The following OVCH1 variants were observed in gnomAD, a reference collection of about 807,000 sequenced individuals.
The protein encoded by OVCH1 is ovochymase 1, also known as ovochymase-1.
In OVCH1, 139 loss-of-function variants were observed where a neutral mutation model predicts 138.4. The ratio of observed to expected loss-of-function variants is 1.00; its 90% CI spans 0.87 to 1.16. The LOEUF (loss-of-function observed/expected upper bound fraction) is 1.16. OVCH1 is among the 50% of genes most tolerant of loss of function. The probability of loss-of-function intolerance (pLI) is 0.00; values close to 1 mark genes in which losing one functional copy is unlikely to be tolerated. For missense variants in OVCH1, 1,367 were observed against 1,357.9 expected, an observed-to-expected ratio of 1.01 and a Z score of -0.11; for synonymous variants, 453 against 467.8, an observed-to-expected ratio of 0.97 and a Z score of 0.41.
chr12:29,481,380 T>A (rs1461882980), intron 8 of OVCH1, among the ~76,000 whole-genome samples: 1 of 152,172 alleles, frequency 6.6e-6, no homozygotes, highest in Non-Finnish European at 1.5e-5. Flanking sequence ...TAGATGCTAA[T>A]ACTCATTGGG....
In OVCH1 at chr12:29,455,059, G is replaced by T. The variant is rs531433028; in HGVS notation, c.2438-126C>A. On this transcript the variant is annotated intron_variant, in intron 20 of 27. Transcript: ENST00000318184. ...AAATCCAGGATTAAAGCAGCCTAAG[G>T]AAAAGTCAGTTTAACTCTACACATG... is the stretch of plus-strand genomic sequence containing the variant. 1.9e-4 allele frequency: 218 copies of T among 1,156,128 alleles called. 2 individuals are homozygous for T. In the Admixed American group the frequency reaches 5.6e-3, roughly 30 times the overall value. The allele number at this position is 1,156,128 out of a possible 1,614,324, so 71.6% of individuals were successfully genotyped here. A position where few individuals can be genotyped will look rare whatever the true frequency, so the allele number is the denominator to read the frequency against.
intron 22 of OVCH1, among the ~76,000 whole-genome samples, chr12:29,450,662 CT>C (rs1941761719): frequency 1.3e-5 from 2 of 152,168 alleles, no homozygotes; most frequent in South Asian, 4.1e-4. Flanking sequence ...GATCCCATTC[CT>C]GGGTATATAC....
At chr12:29,415,505 A>G (rs960409566) in intron 3 of OVCH1, among the ~76,000 whole-genome samples, 4 of 152,206 alleles carry the variant, frequency 2.6e-5, no homozygotes, top group African/African-American at 9.6e-5. Flanking sequence ...TAAGGTCAAC[A>G]CAAAGAAGTC....
At chr12:29,458,892 C>T (rs769085351) in intron 19 of OVCH1, among the ~76,000 whole-genome samples, 1 of 152,114 alleles carries the variant, frequency 6.6e-6, no homozygotes, top group Non-Finnish European at 1.5e-5. Flanking sequence ...AAAAGGTGCT[C>T]AACATCATTG....
exon 23 of OVCH1, chr12:29,445,290 A>G: frequency 6.2e-7 from 1 of 1,610,628 alleles, no homozygotes; most frequent in Non-Finnish European, 8.5e-7. Flanking sequence ...AGGACTTTCA[A>G]GACAATATAG....
intron 15 of OVCH1, 85 bp downstream of exon 15, chr12:29,472,944 A>G (rs564029560): frequency 3.4e-6 from 4 of 1,187,126 alleles, no homozygotes; most frequent in Admixed American, 4.5e-5. Context: ...GTTATAGCCA[A>G]TGTAAGATAA....
At chr12:29,461,243 G>A (rs183515749) in intron 19 of OVCH1, among the ~76,000 whole-genome samples, 5 of 152,304 alleles carry the variant, frequency 3.3e-5, no homozygotes, top group East Asian at 3.9e-4. Context: ...GTAGGCACAC[G>A]GAGTGTTAGG....
chr12:29,470,244 C>T (rs1942457264), intron 16 of OVCH1, among the ~76,000 whole-genome samples: 1 of 152,006 alleles, frequency 6.6e-6, no homozygotes, highest in African/African-American at 2.4e-5. Context: ...ATTTTAAGTT[C>T]TGGGATACAT....
intron 3 of OVCH1, among the ~76,000 whole-genome samples, chr12:29,420,888 A>G (rs1247000857): frequency 1.3e-5 from 2 of 152,246 alleles, no homozygotes; most frequent in African/African-American, 4.8e-5. Flanking sequence ...TCATTCACCT[A>G]ATATGTTCAT....
chr12:29,415,902 A>G (rs1337691654), intron 3 of OVCH1, among the ~76,000 whole-genome samples: 1 of 152,164 alleles, frequency 6.6e-6, no homozygotes, highest in Middle Eastern at 3.2e-3. Flanking sequence ...AAAGCCTACT[A>G]TGTAGGTACA....
intron 20 of OVCH1, 149 bp from the exon 21 acceptor site, chr12:29,455,082 A>G: frequency 2.7e-6 from 3 of 1,114,092 alleles, no homozygotes; most frequent in South Asian, 1.6e-5. Context: ...AACTCTACAC[A>G]TGGGAGAACT....
chr12:29,429,031 C>A (rs2135897152), intron 27 of OVCH1, among the ~76,000 whole-genome samples: 1 of 152,294 alleles, frequency 6.6e-6, no homozygotes, highest in East Asian at 1.9e-4. Flanking sequence ...TGACTCCCAG[C>A]ACCTCCAACC....
chr12:29,496,492 T>G (rs989047559), intron 2 of OVCH1, 64 bp downstream of exon 2: 8 of 1,431,080 alleles, frequency 5.6e-6, no homozygotes, highest in Non-Finnish European at 7.7e-6. Flanking sequence ...CATTCTTGCT[T>G]TCGAAACAAA....
chr12:29,496,610 G>T (rs757347992), exon 2 of OVCH1: 6 of 1,613,830 alleles, frequency 3.7e-6, no homozygotes, highest in Admixed American at 1.7e-5. Context: ...TTCTAGAGAA[G>T]AATCTAGATC....
chr12:29,474,205 C>T (rs928040073), intron 14 of OVCH1, among the ~76,000 whole-genome samples: 5 of 152,068 alleles, frequency 3.3e-5, no homozygotes, highest in East Asian at 3.9e-4. Context: ...TAAAACAATA[C>T]GTATAGAATA....
At chr12:29,493,012 G>A (rs1475818904) in intron 4 of OVCH1, among the ~76,000 whole-genome samples, 2 of 152,166 alleles carry the variant, frequency 1.3e-5, no homozygotes, top group Non-Finnish European at 2.9e-5. Flanking sequence ...GGTCATTAGT[G>A]ACTGTGACAA....
At chr12:29,492,288 T>C (rs1052244001) in intron 4 of OVCH1, among the ~76,000 whole-genome samples, 3 of 150,806 alleles carry the variant, frequency 2.0e-5, no homozygotes, top group Non-Finnish European at 3.0e-5. Flanking sequence ...TAGGGGACAG[T>C]GGGAGGCCAG....
intron 21 of OVCH1, among the ~76,000 whole-genome samples, chr12:29,453,852 G>T (rs1329582767): frequency 6.6e-6 from 1 of 152,036 alleles, no homozygotes; most frequent in Non-Finnish European, 1.5e-5. Context: ...GGGGCATTTT[G>T]CTCTCTCAAT....
intron 27 of OVCH1, among the ~76,000 whole-genome samples, chr12:29,432,399 G>T (rs1220081992): frequency 6.6e-6 from 1 of 152,204 alleles, no homozygotes; most frequent in African/African-American, 2.4e-5. Flanking sequence ...ACTTGATGTG[G>T]AATGTGAGAA....
Sources: gnomAD v4.1 joint callset for allele counts (sites outside exome capture counted in the v4.1 genomes callset) on GRCh38, gnomAD v4.1.1 for gene constraint, MANE v1.5 for transcripts, NCBI Gene and HGNC (gene_info 2026-07-23, HGNC 2026-07-21) for gene names.